The following NPHP1 variants were observed in gnomAD, a reference collection of about 807,000 sequenced individuals.
NPHP1 encodes the protein nephrocystin-1.
Under a neutral mutation model 90.4 loss-of-function variants are expected in NPHP1, and 70 were observed. The ratio of observed to expected loss-of-function variants is 0.77; its 90% confidence interval spans 0.64 to 0.95. The LOEUF is 0.95. Among genes scored for constraint, NPHP1 ranks in the 40% least tolerant of loss-of-function variants. The pLI is 0.00. For missense variants in NPHP1, 764 were observed against 795.9 expected (o/e 0.96, Z 0.48); for synonymous variants, 256 against 271.7 (o/e 0.94, Z 0.57).
At chr2:110,148,054 T>C (rs913978455) in intron 12 of NPHP1, 28 bp from the exon 13 acceptor site, 12 of 1,423,814 alleles carry the variant, frequency 8.4e-6, no homozygotes, top group Non-Finnish European at 1.2e-5. Context: ...TTAAAGTTAT[T>C]GATAAAAATA....
Position 110,178,717 on chromosome 2 carries a change from G to A in NPHP1, c.205-170C>T, listed in dbSNP as rs1574158022. Reference sequence around the variant, plus strand: ...TTTAAAAGAAACAGGCAATTGTGTTGGAATGCAAACCAAATGAAAAAATAA... The same window carrying A: ...TTTAAAAGAAACAGGCAATTGTGTTAGAATGCAAACCAAATGAAAAAATAA... On this transcript the variant is annotated intron_variant, in intron 3 of 19. Coordinates refer to ENST00000445609, the MANE Select transcript of NPHP1 (RefSeq NM_001128178.3). The A allele has an allele frequency of 1.2e-5, 7 of 601,952 alleles. No homozygotes were observed. The South Asian group carries it at 1.7e-4, about 15-fold the overall frequency. 37.3% of individuals were successfully genotyped at this position (601,952 alleles called of 1,614,324 possible).
intron 2 of NPHP1, chr2:110,184,611 G>T: frequency 1.9e-6 from 2 of 1,071,132 alleles, no homozygotes; most frequent in Non-Finnish European, 2.9e-6. Context: ...AATTGACATC[G>T]CAAGCTGGAA....
chr2:110,160,339 T>G (rs1480225766), intron 10 of NPHP1, 84 bp from the exon 11 acceptor site: 1 of 1,132,532 alleles, frequency 8.8e-7, no homozygotes, highest in Non-Finnish European at 1.3e-6. Flanking sequence ...CTTATGAAAA[T>G]GTATACAGAA....
chr2:110,177,608 A>C (rs1183583352), intron 4 of NPHP1, among the ~76,000 whole-genome samples: 1 of 152,188 alleles, frequency 6.6e-6, no homozygotes, highest in Non-Finnish European at 1.5e-5. Context: ...AAAACAATCC[A>C]AAACTGAAGA....
chr2:110,176,081 C>T (rs990339418), intron 4 of NPHP1, among the ~76,000 whole-genome samples: 11 of 151,940 alleles, frequency 7.2e-5, no homozygotes, highest in African/African-American at 1.9e-4. Context: ...CTTAAGATTT[C>T]GCTCTATTCA....
At chr2:110,138,892 T>A (rs75663443) in intron 16 of NPHP1, among the ~76,000 whole-genome samples, 3,262 of 152,210 alleles carry the variant, frequency 0.021, 61 homozygotes, top group South Asian at 0.04. Context: ...TGGCACTTTC[T>A]CACAACATGA....
intron 9 of NPHP1, 84 bp downstream of exon 9, chr2:110,162,964 T>C: frequency 2.4e-6 from 2 of 846,650 alleles, no homozygotes; most frequent in East Asian, 2.5e-5. Context: ...TCTTCAACAA[T>C]GTGTTTTGCC....
chr2:110,189,932 T>A (rs922693166), intron 2 of NPHP1, among the ~76,000 whole-genome samples: 1 of 151,764 alleles, frequency 6.6e-6, no homozygotes, highest in East Asian at 1.9e-4. Context: ...AGAGTGCCGA[T>A]TGGTGTGTTT....
intron 6 of NPHP1, among the ~76,000 whole-genome samples, chr2:110,165,830 G>A (rs979189065): frequency 6.6e-6 from 1 of 152,008 alleles, no homozygotes; most frequent in African/African-American, 2.4e-5. Flanking sequence ...ACATAAAAAT[G>A]ATAAGCACTC....
chr2:110,141,986 A>AG (rs1390268128), intron 16 of NPHP1, among the ~76,000 whole-genome samples: 14 of 151,212 alleles, frequency 9.3e-5, no homozygotes, highest in African/African-American at 2.2e-4. Context: ...AAAAAAAAAA[A>AG]AAAGAAAGAA....
rs183174015 is a variant in NPHP1 at position 110,200,436 on chromosome 2, G to A, written c.143+985C>T. ...AATCCAGCCAGGTGTGGTGGGGCAC[G>A]ACTGTAATCCCAACTACTCAAGAGC... On this transcript the variant is annotated intron_variant, in intron 2 of 19. Transcript: ENST00000445609. 5.5e-5 allele frequency among the ~76,000 whole-genome samples: 8 copies of A among 144,192 alleles called. No homozygotes were observed. In the South Asian group the frequency reaches 8.9e-4, roughly 16 times the overall value. The allele number at this position is 144,192 out of a possible 152,430, so 94.6% of individuals were successfully genotyped here. A position where few individuals can be genotyped will look rare whatever the true frequency, so the allele number is the denominator to read the frequency against.
chr2:110,150,098 C>G (rs1489718867), intron 12 of NPHP1, 84 bp downstream of exon 12: 9 of 1,044,936 alleles, frequency 8.6e-6, no homozygotes, highest in Non-Finnish European at 1.4e-5. Context: ...ATATCTGTTC[C>G]CACATACTCT....
intron 1 of NPHP1, among the ~76,000 whole-genome samples, chr2:110,202,676 C>T (rs1053263260): frequency 6.6e-6 from 1 of 152,148 alleles, no homozygotes; most frequent in South Asian, 2.1e-4. Context: ...AAAATTAACT[C>T]ATCATGACTA....
At chr2:110,138,907 ATGC>A (rs1196779409) in intron 16 of NPHP1, among the ~76,000 whole-genome samples, 2 of 152,100 alleles carry the variant, frequency 1.3e-5, no homozygotes, top group African/African-American at 4.8e-5. Flanking sequence ...ACATGAAGCA[ATGC>A]TGCTTGCCCT....
At chr2:110,193,053 T>C (rs1429783738) in intron 2 of NPHP1, among the ~76,000 whole-genome samples, 3 of 152,110 alleles carry the variant, frequency 2.0e-5, no homozygotes, top group Admixed American at 6.5e-5. Context: ...TGCAAAAACA[T>C]GCCAGATTGT....
rs1679251916 is a variant in NPHP1, at chr2:110,125,077, G to T, written c.1761+560C>A. On this transcript the variant is annotated intron_variant, in intron 19 of 19. Coordinates refer to ENST00000445609, the MANE Select transcript of NPHP1 (RefSeq NM_001128178.3). The stretch of plus-strand genomic sequence containing the variant: ...TGGCTGCTTTTGTGTTACAACACCA[G>T]AGCTGAGTAGTGTGACAGAGACCAC... 3 of 916,870 alleles carry T rather than the reference G, an allele frequency of 3.3e-6. No homozygotes were observed. The South Asian group carries it at 6.0e-5, about 18-fold the overall frequency. The allele number at this position is 916,870 out of a possible 1,614,324, so 56.8% of individuals were successfully genotyped here. A position where few individuals can be genotyped will look rare whatever the true frequency, so the allele number is the denominator to read the frequency against.
At chr2:110,178,135 A>T (rs1683636553) in intron 4 of NPHP1, 1 of 484,860 alleles carries the variant, frequency 2.1e-6, no homozygotes, top group East Asian at 3.3e-5. Context: ...CATTGACATT[A>T]AATATATCAT....
intron 15 of NPHP1, 106 bp downstream of exon 15, chr2:110,144,387 G>T: frequency 1.4e-6 from 1 of 722,830 alleles, no homozygotes; most frequent in Non-Finnish European, 2.5e-6. Context: ...TTTTAAAAGT[G>T]TGAATTCAAG....
chr2:110,204,688 C>A (rs1685813185), intron 1 of NPHP1, among the ~76,000 whole-genome samples: 1 of 151,124 alleles, frequency 6.6e-6, no homozygotes, highest in South Asian at 2.1e-4. Context: ...GAGGTTTCGC[C>A]TTTGGCTGGG....
Sources: allele counts gnomAD v4.1 joint callset (sites outside exome capture counted in the v4.1 genomes callset), GRCh38; gene constraint gnomAD v4.1.1; transcripts MANE v1.5; gene names NCBI Gene and HGNC (gene_info 2026-07-23, HGNC 2026-07-21).